Variants in B4GALNT4 observed in about 807,000 individuals in gnomAD.
The protein encoded by B4GALNT4 is N-acetyl-beta-glucosaminyl-glycoprotein 4-beta-N-acetylgalactosaminyltransferase 1.
Under a neutral mutation model 110.0 loss-of-function variants are expected in B4GALNT4, and 77 were observed. That is an observed-to-expected ratio of 0.70 (90% CI 0.58 to 0.85). The LOEUF (loss-of-function observed/expected upper bound fraction) is 0.85, where lower values mean the gene tolerates loss of function less well. Among genes scored for constraint, B4GALNT4 ranks in the 40% least tolerant of loss-of-function variants. The pLI, the probability that B4GALNT4 is intolerant of heterozygous loss-of-function variation, is 0.00. For synonymous variants in B4GALNT4, 785 were observed against 655.5 expected, an observed-to-expected ratio of 1.20 and a Z score of -3.02; for missense variants, 1,575 against 1,506.0, an observed-to-expected ratio of 1.05 and a Z score of -0.76.
chr11:378,335 T>TGACA (rs1846802934), intron 14 of B4GALNT4, among the ~76,000 whole-genome samples: 1 of 151,988 alleles, frequency 6.6e-6, no homozygotes, highest in Admixed American at 6.6e-5. Flanking sequence ...GGGCGGTGGG[T>TGACA]GCTGGATTCT....
chr11:370,039 C>CGCGGGCGGCGCGGGG (rs1846587648), intron 1 of B4GALNT4, 85 bp downstream of exon 1: 1 of 71,318 alleles, frequency 1.4e-5, no homozygotes, highest in Non-Finnish European at 3.1e-5. Flanking sequence ...GGGGCGCGGG[C>CGCGGGCGGCGCGGGG]GGCGCGGGCG....
At position 380,830 on chromosome 11, in the gene B4GALNT4, T is replaced by A; in HGVS notation, c.2875T>A (p.Trp959Arg). 3 of 1,613,720 alleles carry A rather than the reference T, an allele frequency of 1.9e-6. No individual in the cohort carries two copies. Among genetic ancestry groups the A allele is most frequent in the Non-Finnish European group, 2.5e-6 (3 of 1,179,844 alleles). ...GSSPRDPHGY[W>R]EVNGFGLFGI... ...CCCTCACCCTCCCGCCCCAGGTTAC[T>A]GGGAGGTGAACGGCTTTGGCCTTTT... is the stretch of plus-strand genomic sequence containing the variant. Residue 959 changes from tryptophan to arginine, a missense_variant, in exon 19 of 20, where the codon TGG becomes AGG. By Grantham distance (101) the Trp-to-Arg change is moderately radical. Transcript: ENST00000329962.
chr11:380,804 C>T, intron 18 of B4GALNT4, 21 bp from the exon 19 acceptor site: 1 of 1,613,608 alleles, frequency 6.2e-7, no homozygotes, highest in East Asian at 2.2e-5. Flanking sequence ...AAGGGTAGCA[C>T]CCCTCACCCT....
At chr11:379,296 C>T in intron 14 of B4GALNT4, 122 bp from the exon 15 acceptor site, 2 of 1,117,536 alleles carry the variant, frequency 1.8e-6, no homozygotes, top group Non-Finnish European at 2.4e-6. Context: ...GGTGCTGTGC[C>T]GCGGAGCCCG....
intron 1 of B4GALNT4, among the ~76,000 whole-genome samples, chr11:370,567 G>A (rs1564866828): frequency 6.6e-6 from 1 of 152,194 alleles, no homozygotes; most frequent in Non-Finnish European, 1.5e-5. Context: ...AGCAGATGGG[G>A]TCACGGTGAG....
At chr11:380,635 T>C (rs1458192903) in intron 18 of B4GALNT4, 190 bp downstream of exon 18, 12 of 1,238,380 alleles carry the variant, frequency 9.7e-6, no homozygotes, top group Non-Finnish European at 1.4e-5. Context: ...CCCAGGAACC[T>C]CCTCCAGTAT....
chr11:371,690 G>A (rs987562542), intron 1 of B4GALNT4, among the ~76,000 whole-genome samples: 1 of 152,248 alleles, frequency 6.6e-6, no homozygotes. Context: ...GGAGGCAGAC[G>A]TGGAACACTC....
Position 376,770 on chromosome 11 carries a change from CT to C in B4GALNT4, c.1649del (p.Phe550SerfsTer76). 1 of 1,386,642 alleles carries C rather than the reference CT, an allele frequency of 7.2e-7. No individual in the cohort carries two copies. Among genetic ancestry groups the C allele is most frequent in the Non-Finnish European group, 9.3e-7 (1 of 1,073,528 alleles). 85.9% of individuals were successfully genotyped at this position (1,386,642 alleles called of 1,614,324 possible). A position where few individuals can be genotyped will look rare whatever the true frequency, so the allele number is the denominator to read the frequency against. ...CAGCGCCGCGTGCGCCCTGGCCGCC[CT>C]TCCCTGGCGTCTTCCTGCACCCCAG... ...APAPRAPWPP[F>X]PGVFLHPRPL... is the part of the protein sequence containing the mutation. On this transcript the variant is annotated frameshift_variant, in exon 14 of 20. Transcript: ENST00000329962. LOFTEE classifies it high-confidence loss of function.
chr11:372,679 A>G lies in B4GALNT4; in HGVS notation c.273A>G (p.Leu91=). 6.2e-7 allele frequency: 1 copy of G among 1,611,960 alleles called. No homozygotes were observed. The highest frequency in any genetic ancestry group is 1.1e-5 in the South Asian group (1 of 90,830). Residue 91 remains leucine (L), a synonymous_variant, in exon 3 of 20, where the codon CTA becomes CTG. Transcript: ENST00000329962. ...TCCTGCAGCCCGAAGGTCGGGACCTAGACATGCTGTTTCCTGGGGGGGCTG... is the reference window on the plus strand; with the variant it reads ...TCCTGCAGCCCGAAGGTCGGGACCTGGACATGCTGTTTCCTGGGGGGGCTG... ...EEEQAPEGRD[L]DMLFPGGAGR... is the part of the protein sequence containing the mutation.
chr11:370,907 G>A (rs1846607496), intron 1 of B4GALNT4, among the ~76,000 whole-genome samples: 1 of 152,098 alleles, frequency 6.6e-6, no homozygotes. Context: ...CAGGCCAAGG[G>A]TCTGGGGCTT....
chr11:369,739 C>T lies in B4GALNT4; in HGVS notation c.-65C>T, dbSNP rs1454755013. On this transcript the variant is annotated 5_prime_UTR_variant, in exon 1 of 20. Transcript: ENST00000329962. ...GGCGGGCCGGGGATGCGGCGCGGGGCGGGCGGGGGCCGGGGGCTGCAGCGG... is the reference window on the plus strand; with the variant it reads ...GGCGGGCCGGGGATGCGGCGCGGGGTGGGCGGGGGCCGGGGGCTGCAGCGG... 6 of 795,978 alleles carry T rather than the reference C, an allele frequency of 7.5e-6. No individual in the cohort carries two copies. The highest frequency in any genetic ancestry group is 9.0e-6 in the Non-Finnish European group (6 of 663,130). 49.3% of individuals were successfully genotyped at this position (795,978 alleles called of 1,614,324 possible).
At chr11:379,323 C>A (rs985699056) in intron 14 of B4GALNT4, 95 bp from the exon 15 acceptor site, 53 of 1,350,806 alleles carry the variant, frequency 3.9e-5, no homozygotes, top group Middle Eastern at 2.7e-4. Context: ...CCGCCAACTC[C>A]AAGTCGGCTG....
chr11:375,789 CGCGGGGGCGA>C lies in B4GALNT4; in HGVS notation c.985+18_985+27del. ...TTTTTCCTCAGTGAGAGGGGGCCCG[CGCGGGGGCGA>C]GGGCGGGGGTGCCTGCCCCAGCCAC... On this transcript the variant is annotated intron_variant, in intron 10 of 19. Coordinates refer to ENST00000329962, the MANE Select transcript of B4GALNT4 (RefSeq NM_178537.5). 6.2e-7 allele frequency: 1 copy of C among 1,601,102 alleles called. No individual in the cohort carries two copies. Among genetic ancestry groups the C allele is most frequent in the Non-Finnish European group, 8.5e-7 (1 of 1,177,174 alleles).
chr11:374,418 G>A (rs1450845523), intron 8 of B4GALNT4, among the ~76,000 whole-genome samples: 1 of 151,234 alleles, frequency 6.6e-6, no homozygotes, highest in African/African-American at 2.4e-5. Flanking sequence ...GTGGGGGGCA[G>A]CACGATGGTG....
At chr11:377,367 G>C in intron 14 of B4GALNT4, 40 bp downstream of exon 14, 1 of 1,457,770 alleles carries the variant, frequency 6.9e-7, no homozygotes, top group Non-Finnish European at 9.0e-7. Context: ...CGGTTTTGGA[G>C]GCGGGGACAG....
intron 1 of B4GALNT4, among the ~76,000 whole-genome samples, chr11:371,351 C>A (rs559903850): frequency 7.9e-5 from 12 of 152,266 alleles, no homozygotes; most frequent in African/African-American, 2.6e-4. Context: ...CTACTGCCTC[C>A]CCACAAGCCT....
rs763482643 is a variant in B4GALNT4 at position 376,602 on chromosome 11, C to T, written c.1479C>T (p.Ala493=). Residue 493 remains alanine (A), a synonymous_variant, in exon 14 of 20, where the codon GCC becomes GCT. Transcript: ENST00000329962. ...GGGGGACCCCCAGGCACTCCCGGGCCCTGAGCTGGGCCGCCAGGGCCGCCC... is the reference window on the plus strand; with the variant it reads ...GGGGGACCCCCAGGCACTCCCGGGCTCTGAGCTGGGCCGCCAGGGCCGCCC... ...RDGGTPRHSR[A]LSWAARAARP... is the part of the protein sequence containing the mutation. The T allele has an allele frequency of 5.3e-5, 74 of 1,390,512 alleles. 1 individual carries two copies. Among genetic ancestry groups the T allele is most frequent in the Non-Finnish European group, 3.9e-5 (42 of 1,076,150 alleles). The allele number at this position is 1,390,512 out of a possible 1,614,324, so 86.1% of individuals were successfully genotyped here.
intron 7 of B4GALNT4, 94 bp downstream of exon 7, chr11:373,610 C>T: frequency 6.5e-7 from 1 of 1,529,148 alleles, no homozygotes; most frequent in Non-Finnish European, 9.0e-7. Flanking sequence ...TGCGCACACT[C>T]TGCACGAGCA....
chr11:381,194 CCCA>C, intron 19 of B4GALNT4: 4 of 962,834 alleles, frequency 4.2e-6, no homozygotes, highest in Non-Finnish European at 4.9e-6. Context: ...TGCCCCCGAT[CCCA>C]TAGGCCCTGG....
Sources: gnomAD v4.1 joint callset for allele counts (sites outside exome capture counted in the v4.1 genomes callset) on GRCh38, gnomAD v4.1.1 for gene constraint, MANE v1.5 for transcripts, NCBI Gene and HGNC (gene_info 2026-07-23, HGNC 2026-07-21) for gene names.